PRKN: variants seen among roughly 807,000 people sequenced by gnomAD.
The protein encoded by PRKN is E3 ubiquitin-protein ligase parkin.
In PRKN, 56 loss-of-function variants were observed where a neutral mutation model predicts 59.5. The ratio of observed to expected loss-of-function variants is 0.94; its 90% CI spans 0.76 to 1.18. PRKN has a LOEUF of 1.18. PRKN is among the 50% of genes most tolerant of loss of function. The pLI, the probability that PRKN is intolerant of heterozygous loss-of-function variation, is 0.00. For missense variants in PRKN, 657 were observed against 596.4 expected (o/e 1.10, Z -1.06); for synonymous variants, 250 against 222.1 (o/e 1.13, Z -1.12).
chr6:162,495,225 A>G (rs973913734), intron 1 of PRKN, among the ~76,000 whole-genome samples: 7 of 152,258 alleles, frequency 4.6e-5, no homozygotes, highest in African/African-American at 1.7e-4. Context: ...TATCAAAACC[A>G]TACTTCTTAC....
chr6:161,830,184 C>T (rs2128218454), intron 6 of PRKN, among the ~76,000 whole-genome samples: 1 of 152,178 alleles, frequency 6.6e-6, no homozygotes, highest in African/African-American at 2.4e-5. Context: ...CCCTCTGGCC[C>T]TGGAACCAGA....
intron 6 of PRKN, among the ~76,000 whole-genome samples, chr6:161,913,170 G>GAAAA (rs762633376): frequency 4.6e-5 from 4 of 86,624 alleles, no homozygotes; most frequent in East Asian, 3.7e-4. Context: ...TCCATCTCAG[G>GAAAA]AAAAAAAAAA....
Position 161,877,467 on chromosome 6 carries a change from T to TTTTTG in PRKN, c.735-91560_735-91559insCAAAA, listed in dbSNP as rs1794774278. On this transcript the variant is annotated intron_variant, in intron 6 of 11. Transcript: ENST00000366898. ...AATATGGAAACATATTTGCATTTTT[T>TTTTTG]TTTTTTTTTTGAGACAGAGCCTCGT... Among the ~76,000 whole-genome samples the TTTTTG allele has an allele frequency of 3.3e-5, 5 of 151,852 alleles. No individual in the cohort carries two copies. The South Asian group carries it at 1.0e-3, about 32-fold the overall frequency.
chr6:162,075,935 G>T (rs561874654), intron 4 of PRKN, among the ~76,000 whole-genome samples: 1 of 146,372 alleles, frequency 6.8e-6, no homozygotes, highest in Admixed American at 6.9e-5. Flanking sequence ...CTGTCCTGGG[G>T]TTTGTAGACA....
chr6:162,223,721 T>A (rs1218164926), intron 3 of PRKN, among the ~76,000 whole-genome samples: 1 of 151,594 alleles, frequency 6.6e-6, no homozygotes, highest in African/African-American at 2.4e-5. Context: ...CACATTTTCC[T>A]ACCTTTGTAT....
chr6:162,370,484 A>AT (rs1274282521), intron 2 of PRKN, among the ~76,000 whole-genome samples: 1 of 152,016 alleles, frequency 6.6e-6, no homozygotes, highest in Non-Finnish European at 1.5e-5. Context: ...CCCAAATTAC[A>AT]TTTTATTACC....
chr6:161,642,298 T>C (rs1257048736), intron 7 of PRKN, among the ~76,000 whole-genome samples: 1 of 152,238 alleles, frequency 6.6e-6, no homozygotes, highest in Non-Finnish European at 1.5e-5. Context: ...AGAGTTTTCA[T>C]GATAAAGTGT....
chr6:162,011,115 A>AAT (rs1220735194), intron 5 of PRKN, among the ~76,000 whole-genome samples: 76 of 2,788 alleles, frequency 0.027, 32 homozygotes, highest in African/African-American at 0.08. Context: ...TATAATATAT[A>AAT]ATATATTTAT....
At chr6:162,225,621 G>T (rs1385166116) in intron 3 of PRKN, among the ~76,000 whole-genome samples, 1 of 152,066 alleles carries the variant, frequency 6.6e-6, no homozygotes, top group Non-Finnish European at 1.5e-5. Flanking sequence ...TATGCACCTT[G>T]GAGCTCCTCA....
chr6:162,569,963 C>T (rs533488493), intron 1 of PRKN, among the ~76,000 whole-genome samples: 5 of 152,104 alleles, frequency 3.3e-5, no homozygotes, highest in African/African-American at 9.6e-5. Context: ...CTCAGCTAGC[C>T]CTGAAAAAAA....
chr6:162,101,672 T>TA (rs748981813), intron 4 of PRKN, among the ~76,000 whole-genome samples: 91 of 143,994 alleles, frequency 6.3e-4, no homozygotes, highest in African/African-American at 6.1e-4. Context: ...ACTCCGTCTC[T>TA]AAAAAAAAAA....
intron 5 of PRKN, among the ~76,000 whole-genome samples, chr6:161,996,447 T>C (rs1781845267): frequency 6.6e-6 from 1 of 152,150 alleles, no homozygotes; most frequent in Non-Finnish European, 1.5e-5. Context: ...TATTTTCTTT[T>C]TGGCTGATTT....
At chr6:162,561,945 A>G (rs1053509766) in intron 1 of PRKN, among the ~76,000 whole-genome samples, 7 of 152,124 alleles carry the variant, frequency 4.6e-5, no homozygotes, top group Admixed American at 1.3e-4. Flanking sequence ...CACGTGACAT[A>G]CTGAGACACT....
intron 9 of PRKN, among the ~76,000 whole-genome samples, chr6:161,465,175 A>G (rs1427334207): frequency 6.6e-6 from 1 of 152,176 alleles, no homozygotes; most frequent in East Asian, 1.9e-4. Flanking sequence ...GACCTGCTTT[A>G]GGCCTTTCTG....
chr6:162,155,480 C>G (rs908339300), intron 4 of PRKN, among the ~76,000 whole-genome samples: 2 of 152,062 alleles, frequency 1.3e-5, no homozygotes, highest in African/African-American at 4.8e-5. Context: ...ACAGACAGAA[C>G]TACTACTGAA....
chr6:162,564,826 G>A (rs1779992685), intron 1 of PRKN, among the ~76,000 whole-genome samples: 1 of 147,282 alleles, frequency 6.8e-6, no homozygotes, highest in South Asian at 2.1e-4. Flanking sequence ...TTCACCAATA[G>A]CAGACCTGTC....
intron 1 of PRKN, among the ~76,000 whole-genome samples, chr6:162,615,055 T>C (rs1314063799): frequency 1.3e-5 from 2 of 152,152 alleles, no homozygotes; most frequent in African/African-American, 2.4e-5. Context: ...TATGTCTTAA[T>C]GAGAGGATTA....
At chr6:161,873,646 C>A (rs993759454) in intron 6 of PRKN, among the ~76,000 whole-genome samples, 9 of 151,738 alleles carry the variant, frequency 5.9e-5, no homozygotes, top group African/African-American at 1.9e-4. Flanking sequence ...AACAACAAAA[C>A]AAGTCTGCCA....
chr6:162,060,593 A>C (rs1778061655), intron 4 of PRKN, among the ~76,000 whole-genome samples: 1 of 152,252 alleles, frequency 6.6e-6, no homozygotes, highest in Non-Finnish European at 1.5e-5. Context: ...CAATGCCCAG[A>C]AAAGTGGAAA....
Sources: gnomAD v4.1 joint callset for allele counts (sites outside exome capture counted in the v4.1 genomes callset) on GRCh38, gnomAD v4.1.1 for gene constraint, MANE v1.5 for transcripts, NCBI Gene and HGNC (gene_info 2026-07-23, HGNC 2026-07-21) for gene names.